Variants in ARHGAP23 observed in about 807,000 individuals in gnomAD.
ARHGAP23 encodes the protein Rho GTPase activating protein 23, also known as rho GTPase-activating protein 23.
ARHGAP23 carries 34 observed loss-of-function variants against 136.3 expected under a neutral mutation model. The observed-to-expected ratio is 0.25, with a 90% CI of 0.19 to 0.33. The LOEUF is 0.33. Among genes scored for constraint, ARHGAP23 ranks in the 10% least tolerant of loss-of-function variants. The pLI is 1.00. For synonymous variants in ARHGAP23, 832 were observed against 920.5 expected, an observed-to-expected ratio of 0.90 and a Z score of 1.74; for missense variants, 1,808 against 2,139.0, an observed-to-expected ratio of 0.85 and a Z score of 3.05.
chr17:38,483,236 A>G (rs1304061527), intron 16 of ARHGAP23, among the ~76,000 whole-genome samples: 1 of 152,220 alleles, frequency 6.6e-6, no homozygotes, highest in African/African-American at 2.4e-5. Flanking sequence ...CCTACAGACC[A>G]TGGTTTACAA....
intron 2 of ARHGAP23, among the ~76,000 whole-genome samples, chr17:38,460,275 G>A (rs2039427116): frequency 6.6e-6 from 1 of 152,194 alleles, no homozygotes; most frequent in Non-Finnish European, 1.5e-5. Context: ...CTCTCTCACA[G>A]AAGAACTTCC....
At chr17:38,481,551 C>T (rs1468663210) in intron 14 of ARHGAP23, among the ~76,000 whole-genome samples, 1 of 152,224 alleles carries the variant, frequency 6.6e-6, no homozygotes, top group Non-Finnish European at 1.5e-5. Context: ...CCTCAGCTTC[C>T]CAAAGTGCTG....
chr17:38,459,621 A>G (rs2039411420), intron 2 of ARHGAP23, among the ~76,000 whole-genome samples: 1 of 152,202 alleles, frequency 6.6e-6, no homozygotes, highest in African/African-American at 2.4e-5. Context: ...GTGACAGCAT[A>G]GAGTCTAGGG....
At position 38,477,907 on chromosome 17, in the gene ARHGAP23, G is replaced by A. The variant is rs573480642; in HGVS notation, c.2436+11G>A. 7.8e-5 allele frequency: 121 copies of A among 1,547,530 alleles called. No individual in the cohort carries two copies. In the African/African-American group the frequency reaches 9.0e-4, roughly 12 times the overall value. Reference sequence around the variant, plus strand: ...AGGGCCGAGGGCGAGGTGAGGGCCCGGCCAGCCCGGCAGCCACAGAGGGCG... The same window carrying A: ...AGGGCCGAGGGCGAGGTGAGGGCCCAGCCAGCCCGGCAGCCACAGAGGGCG... On this transcript the variant is annotated intron_variant, in intron 12 of 23. Coordinates refer to ENST00000622683, the MANE Select transcript of ARHGAP23 (RefSeq NM_001199417.2). The surrounding 1 kb of genome is among the most constrained non-coding windows in gnomAD (Gnocchi z 6.6).
In ARHGAP23 at chr17:38,477,769, C is replaced by T. The variant is rs1447264923; in HGVS notation, c.2309C>T (p.Thr770Ile). The T allele has an allele frequency of 6.5e-7, 1 of 1,549,682 alleles. No individual in the cohort carries two copies. The change falls in exon 12 of 24, where the codon ACC (threonine) becomes ATC (isoleucine). Residue 770 changes from threonine (T) to isoleucine (I), a missense_variant. Physicochemically the swap from Thr to Ile is moderately conservative, Grantham distance 89. Coordinates refer to ENST00000622683, the MANE Select transcript of ARHGAP23 (RefSeq NM_001199417.2). This position sits in a 1 kb window ranked among gnomAD's most constrained non-coding sequence, Gnocchi z 6.6. ...SCLVDISYSE[T>I]KRRHVFRLTT... ...CTCGTGGACATCTCCTACAGCGAGA[C>T]CAAGAGGAGGCACGTGTTCCGGCTG...
chr17:38,421,140 C>A (rs1158261792), intron 1 of ARHGAP23, among the ~76,000 whole-genome samples: 1 of 152,194 alleles, frequency 6.6e-6, no homozygotes, highest in Admixed American at 6.5e-5. Context: ...CTGTACCCTC[C>A]CCTGGGAGGA....
chr17:38,426,061 C>T (rs553005658), upstream of ARHGAP23, among the ~76,000 whole-genome samples: 1 of 152,038 alleles, frequency 6.6e-6, no homozygotes, highest in Non-Finnish European at 1.5e-5. Context: ...ACGGCCACCA[C>T]CCTCCCTCCT....
At chr17:38,460,883 C>T in intron 2 of ARHGAP23, 22 bp from the exon 3 acceptor site, 2 of 1,536,086 alleles carry the variant, frequency 1.3e-6, no homozygotes, top group South Asian at 1.2e-5. Context: ...GACGCCCACA[C>T]CCACTCCTCT....
chr17:38,422,085 T>G (rs2038525643), intron 1 of ARHGAP23, among the ~76,000 whole-genome samples: 1 of 152,178 alleles, frequency 6.6e-6, no homozygotes, highest in Non-Finnish European at 1.5e-5. Context: ...CATCCTGAGC[T>G]GGAATGAACT....
chr17:38,468,456 G>A, intron 7 of ARHGAP23, among the ~76,000 whole-genome samples: 1 of 152,202 alleles, frequency 6.6e-6, no homozygotes, highest in East Asian at 1.9e-4. Flanking sequence ...GGGCTGGGGA[G>A]AAAGAGCAAG....
intron 1 of ARHGAP23, among the ~76,000 whole-genome samples, chr17:38,441,554 A>C (rs9914991): frequency 0.76 from 115,359 of 152,168 alleles, 44,466 homozygotes; most frequent in African/African-American, 0.89. Context: ...GAGGGCGGGG[A>C]CTGGAGGGAG....
At chr17:38,496,880 G>A (rs1156629448) in intron 20 of ARHGAP23, among the ~76,000 whole-genome samples, 2 of 152,074 alleles carry the variant, frequency 1.3e-5, no homozygotes, top group Non-Finnish European at 2.9e-5. Flanking sequence ...TTGAACACAG[G>A]AGGCAGAGGT....
At chr17:38,437,976 C>A (rs2038837872) in intron 1 of ARHGAP23, among the ~76,000 whole-genome samples, 1 of 150,988 alleles carries the variant, frequency 6.6e-6, no homozygotes. Context: ...TGGTCCAGCT[C>A]TCAGGGGAAG....
At chr17:38,462,797 G>A (rs1188903842) in intron 3 of ARHGAP23, 49 bp from the exon 4 acceptor site, 9 of 1,342,286 alleles carry the variant, frequency 6.7e-6, no homozygotes, top group East Asian at 2.5e-5. Flanking sequence ...CTGTGCATGG[G>A]TGTGACCTTC....
chr17:38,422,882 G>C (rs12449741), intron 1 of ARHGAP23, among the ~76,000 whole-genome samples: 74,487 of 151,986 alleles, frequency 0.49, 20,836 homozygotes, highest in African/African-American at 0.78. Flanking sequence ...ATTAAATATG[G>C]TCAGTGAGGT....
At chr17:38,448,641 G>GTTT (rs11327949) in intron 1 of ARHGAP23, among the ~76,000 whole-genome samples, 51 of 106,126 alleles carry the variant, frequency 4.8e-4, no homozygotes, top group African/African-American at 1.2e-3. Flanking sequence ...AACTTGGGGA[G>GTTT]TTTTTTTTTT....
chr17:38,459,304 G>T (rs1466926848), intron 2 of ARHGAP23, among the ~76,000 whole-genome samples: 1 of 152,202 alleles, frequency 6.6e-6, no homozygotes, highest in East Asian at 1.9e-4. Flanking sequence ...CCATGGACAT[G>T]CATGTGTGTA....
chr17:38,498,329 G>A, intron 21 of ARHGAP23, 85 bp from the exon 22 acceptor site: 1 of 1,048,858 alleles, frequency 9.5e-7, no homozygotes, highest in South Asian at 1.6e-5. Context: ...GGAGACATGG[G>A]CTCTGTCATC....
intron 22 of ARHGAP23, among the ~76,000 whole-genome samples, chr17:38,499,544 C>T (rs1377076055): frequency 6.6e-6 from 1 of 152,202 alleles, no homozygotes; most frequent in Non-Finnish European, 1.5e-5. Flanking sequence ...TTTAGCATTT[C>T]TGTTCGTCTC....
Sources: gnomAD v4.1 joint callset for allele counts (sites outside exome capture counted in the v4.1 genomes callset) on GRCh38, gnomAD v4.1.1 for gene constraint, Gnocchi (gnomAD v3.1) non-coding constraint, MANE v1.5 for transcripts, NCBI Gene and HGNC (gene_info 2026-07-23, HGNC 2026-07-21) for gene names.